GRID2: variants seen among roughly 807,000 people sequenced by gnomAD.
GRID2 encodes the protein glutamate ionotropic receptor delta type subunit 2, also known as glutamate receptor ionotropic, delta-2.
A neutral mutation model predicts 114.8 loss-of-function variants in GRID2; 33 were observed. The observed-to-expected ratio is 0.29, with a 90% CI of 0.22 to 0.38. The LOEUF is 0.38. GRID2 is among the 10% of genes least tolerant of loss of function. The pLI, the probability that GRID2 is intolerant of heterozygous loss-of-function variation, is 1.00. For synonymous variants in GRID2, 505 were observed against 449.9 expected (o/e 1.12, Z -1.55); for missense variants, 1,184 against 1,257.7 (o/e 0.94, Z 0.89).
chr4:93,361,754 T>A (rs544286035), intron 8 of GRID2, among the ~76,000 whole-genome samples: 1 of 152,146 alleles, frequency 6.6e-6, no homozygotes, highest in Non-Finnish European at 1.5e-5. Context: ...ACAGACACTA[T>A]GTAAGGACAG....
chr4:93,308,562 C>G (rs1755680771), intron 8 of GRID2, among the ~76,000 whole-genome samples: 1 of 152,092 alleles, frequency 6.6e-6, no homozygotes, highest in South Asian at 2.1e-4. Flanking sequence ...GGAAAAGTCT[C>G]TTTTTTCCAC....
intron 14 of GRID2, among the ~76,000 whole-genome samples, chr4:93,726,131 G>C (rs573754053): frequency 2.0e-5 from 3 of 152,316 alleles, no homozygotes; most frequent in Admixed American, 2.0e-4. Flanking sequence ...TAACATGTAA[G>C]TCTTTAATCC....
intron 8 of GRID2, among the ~76,000 whole-genome samples, chr4:93,336,102 A>G (rs28588694): frequency 0.25 from 38,465 of 152,064 alleles, 8,156 homozygotes; most frequent in African/African-American, 0.58. Context: ...AGCTATTAAC[A>G]TTTGCCATAT....
intron 2 of GRID2, among the ~76,000 whole-genome samples, chr4:92,967,095 A>T (rs1173675844): frequency 2.0e-5 from 3 of 152,042 alleles, no homozygotes; most frequent in African/African-American, 7.2e-5. Context: ...CTCTCCACTT[A>T]AGGCAACAAA....
intron 13 of GRID2, among the ~76,000 whole-genome samples, chr4:93,536,736 G>C (rs530443854): frequency 8.7e-5 from 13 of 149,892 alleles, no homozygotes; most frequent in African/African-American, 3.2e-4. Context: ...TTTTAATGCT[G>C]GTCATGGCTG....
chr4:93,585,196 A>T (rs922362146), intron 13 of GRID2, among the ~76,000 whole-genome samples: 1 of 152,226 alleles, frequency 6.6e-6, no homozygotes, highest in Admixed American at 6.5e-5. Context: ...TCAGGATCAT[A>T]CTGGCAAACC....
chr4:93,647,680 C>A (rs913664493), intron 14 of GRID2, among the ~76,000 whole-genome samples: 5 of 152,150 alleles, frequency 3.3e-5, no homozygotes, highest in Non-Finnish European at 7.4e-5. Context: ...CAGATCCACA[C>A]AAGAATATAT....
intron 14 of GRID2, among the ~76,000 whole-genome samples, chr4:93,650,914 A>AC (rs1722529323): frequency 1.5e-5 from 1 of 68,136 alleles, no homozygotes; most frequent in Non-Finnish European, 2.8e-5. Flanking sequence ...TACTGCAAAA[A>AC]AAAATTCATT....
At chr4:93,447,076 C>T (rs1195704998) in intron 10 of GRID2, among the ~76,000 whole-genome samples, 1 of 151,732 alleles carries the variant, frequency 6.6e-6, no homozygotes, top group African/African-American at 2.4e-5. Flanking sequence ...AAATCTCAAA[C>T]CACTTGGAAG....
chr4:93,534,288 T>G (rs1030365837), intron 13 of GRID2, among the ~76,000 whole-genome samples: 4 of 152,156 alleles, frequency 2.6e-5, no homozygotes, highest in Admixed American at 1.3e-4. Context: ...TTAATTACCT[T>G]ATAGATTTTT....
intron 1 of GRID2, among the ~76,000 whole-genome samples, chr4:92,411,647 G>GTATA (rs1240876484): frequency 4.6e-5 from 4 of 87,262 alleles, no homozygotes; most frequent in Non-Finnish European, 9.4e-5. Flanking sequence ...GTGTGTGTGT[G>GTATA]TGTGTGTGTA....
At chr4:93,323,038 C>A (rs1450599388) in intron 8 of GRID2, among the ~76,000 whole-genome samples, 1 of 152,126 alleles carries the variant, frequency 6.6e-6, no homozygotes, top group Non-Finnish European at 1.5e-5. Context: ...TGCGCAGGAG[C>A]TCTTTAGTTT....
chr4:93,063,843 C>A (rs1049716603), intron 2 of GRID2, among the ~76,000 whole-genome samples: 3 of 151,476 alleles, frequency 2.0e-5, no homozygotes, highest in South Asian at 4.2e-4. Flanking sequence ...GCTGAATTTC[C>A]GTATTGATTA....
chr4:93,774,374 T>A lies in GRID2; in HGVS notation c.*1876T>A, dbSNP rs1734301668. ...ACAAGCTATATAGGGACATACCAGA[T>A]GTTGCAGTGATTTTAGCTATCAACA... On this transcript the variant is annotated 3_prime_UTR_variant, in exon 16 of 16. Transcript: ENST00000282020. 2 of 152,214 alleles carry A rather than the reference T, an allele frequency of 1.3e-5. No individual in the cohort carries two copies. Among genetic ancestry groups the A allele is most frequent in the South Asian group, 4.1e-4 (2 of 4,822 alleles). 9.4% of individuals were successfully genotyped at this position (152,214 alleles called of 1,614,324 possible).
At chr4:92,961,496 A>G (rs1017165521) in intron 2 of GRID2, among the ~76,000 whole-genome samples, 30 of 151,386 alleles carry the variant, frequency 2.0e-4, no homozygotes, top group African/African-American at 6.8e-4. Context: ...TAAATATTTC[A>G]TTTAATTCTT....
chr4:92,938,989 A>G (rs1036383483), intron 2 of GRID2, among the ~76,000 whole-genome samples: 2 of 146,910 alleles, frequency 1.4e-5, no homozygotes, highest in Middle Eastern at 6.6e-3. Context: ...GTGGGTTCCA[A>G]GTCTTTGCTA....
intron 14 of GRID2, among the ~76,000 whole-genome samples, chr4:93,684,180 G>C (rs968310390): frequency 3.3e-5 from 5 of 151,912 alleles, no homozygotes; most frequent in Admixed American, 2.0e-4. Context: ...TTGTCTTTCT[G>C]ACTTTTCTGT....
At chr4:93,741,175 A>ATATATATATATATATATATATATATACG (rs1731352921) in intron 14 of GRID2, among the ~76,000 whole-genome samples, 4 of 15,628 alleles carry the variant, frequency 2.6e-4, no homozygotes, top group African/African-American at 1.5e-3. Flanking sequence ...ATATATATAC[A>ATATATATATATATATATATATATATACG]TATATATATA....
At chr4:93,224,076 A>G (rs1167823771) in intron 6 of GRID2, among the ~76,000 whole-genome samples, 4 of 152,174 alleles carry the variant, frequency 2.6e-5, no homozygotes, top group African/African-American at 7.2e-5. Context: ...TAATACATAT[A>G]AAAGATTGTG....
Sources: allele counts gnomAD v4.1 joint callset (sites outside exome capture counted in the v4.1 genomes callset), GRCh38; gene constraint gnomAD v4.1.1; transcripts MANE v1.5; gene names NCBI Gene and HGNC (gene_info 2026-07-23, HGNC 2026-07-21).